Variants in NUP93 observed in about 807,000 individuals in gnomAD.
NUP93 encodes nuclear pore complex protein Nup93.
Under a neutral mutation model 107.8 loss-of-function variants are expected in NUP93, and 55 were observed. That is an observed-to-expected ratio of 0.51 (90% CI 0.41 to 0.64). The LOEUF is 0.64. Ranked by LOEUF, NUP93 falls within the 30% of genes least tolerant of loss-of-function variation. The pLI, the probability that NUP93 is intolerant of heterozygous loss-of-function variation, is 0.00. For missense variants in NUP93, 937 were observed against 1,044.7 expected (o/e 0.90, Z 1.42); for synonymous variants, 390 against 397.5 (o/e 0.98, Z 0.22).
intron 3 of NUP93, among the ~76,000 whole-genome samples, chr16:56,777,187 G>A (rs1962430818): frequency 6.6e-6 from 1 of 152,136 alleles, no homozygotes; most frequent in South Asian, 2.1e-4. Context: ...TCCCATTTTA[G>A]CCTCTTCCCA....
chr16:56,833,222 C>G lies in NUP93; in HGVS notation c.1353C>G (p.Ser451=), dbSNP rs774283790. Residue 451 remains serine (S), a synonymous_variant, in exon 13 of 22, where the codon TCC becomes TCG. Coordinates refer to ENST00000308159, the MANE Select transcript of NUP93 (RefSeq NM_014669.5). ...QKQLLEDYGE[S]HFTVNQQPFL... ...TCCTCTCCTCTCTCCCAGGCGAGTC[C>G]CACTTTACGGTGAACCAGCAACCCT... 2 of 1,597,174 alleles carry G rather than the reference C, an allele frequency of 1.3e-6. No homozygotes were observed. Among genetic ancestry groups the G allele is most frequent in the Non-Finnish European group, 1.7e-6 (2 of 1,174,046 alleles).
intron 5 of NUP93, among the ~76,000 whole-genome samples, chr16:56,815,899 G>GCTGGTGCTGCTGCTGCTGCTGGTGC (rs1555495759): frequency 1.6e-3 from 157 of 96,006 alleles, no homozygotes; most frequent in South Asian, 2.4e-3. Context: ...GCTGCTGCTG[G>GCTGGTGCTGCTGCTGCTGCTGGTGC]TGCTGCTGCT....
At chr16:56,842,763 G>C (rs1401311044) in intron 21 of NUP93, 2 of 352,152 alleles carry the variant, frequency 5.7e-6, no homozygotes, top group African/African-American at 2.2e-5. Flanking sequence ...ATGTTGCCCA[G>C]ACTGGTCTCG....
chr16:56,828,236 A>G (rs1963709589), intron 8 of NUP93, among the ~76,000 whole-genome samples: 1 of 152,096 alleles, frequency 6.6e-6, no homozygotes, highest in Admixed American at 6.5e-5. Context: ...TGAAAGACAA[A>G]AATAGTGGTA....
chr16:56,833,165 G>T (rs377491347), intron 12 of NUP93, 50 bp from the exon 13 acceptor site: 6 of 1,526,116 alleles, frequency 3.9e-6, no homozygotes, highest in Non-Finnish European at 5.3e-6. Flanking sequence ...CCACCAGTGA[G>T]CCCCTTCTTT....
intron 2 of NUP93, among the ~76,000 whole-genome samples, chr16:56,757,241 C>T (rs936949508): frequency 3.3e-5 from 5 of 152,214 alleles, no homozygotes; most frequent in African/African-American, 9.7e-5. Context: ...GCCAAATTCT[C>T]TGACTACTAA....
chr16:56,765,594 T>G (rs1962202779), intron 3 of NUP93, among the ~76,000 whole-genome samples: 1 of 152,196 alleles, frequency 6.6e-6, no homozygotes, highest in African/African-American at 2.4e-5. Flanking sequence ...GAAAAGACAT[T>G]ACATCTTACT....
At position 56,746,418 on chromosome 16, in the gene NUP93, G is replaced by A. The variant is rs76332442; in HGVS notation, c.-14-1816G>A. The stretch of plus-strand genomic sequence containing the variant: ...CTCACAATAAAGATTGCGAATTACA[G>A]CCTGATTATATGGGTCAAAAAAATT... On this transcript the variant is annotated intron_variant, in intron 1 of 21. Coordinates refer to ENST00000308159, the MANE Select transcript of NUP93 (RefSeq NM_014669.5). 7.7e-3 allele frequency among the ~76,000 whole-genome samples: 1,165 copies of A among 152,258 alleles called. 16 individuals carry two copies. The highest frequency in any genetic ancestry group is 0.027 in the African/African-American group (1,102 of 41,534).
chr16:56,730,512 T>C (rs1961515838), intron 1 of NUP93, among the ~76,000 whole-genome samples: 1 of 151,888 alleles, frequency 6.6e-6, no homozygotes, highest in Non-Finnish European at 1.5e-5. Flanking sequence ...GCCCCTGCCC[T>C]CACCTCCACC....
At position 56,789,970 on chromosome 16, in the gene NUP93, G is replaced by A. The variant is rs376344954; in HGVS notation, c.298-8506G>A. On this transcript the variant is annotated intron_variant, in intron 3 of 21. Transcript: ENST00000308159. The stretch of plus-strand genomic sequence containing the variant: ...AAATTAGCTGGGCATGGTGGCGTGC[G>A]CCTGTAATCCCAGCTACTCAGGAGG... 4.1e-4 allele frequency among the ~76,000 whole-genome samples: 62 copies of A among 152,226 alleles called. 1 individual carries two copies. The South Asian group carries it at 0.012, about 30-fold the overall frequency.
rs560062299 is a variant in NUP93 at position 56,752,276 on chromosome 16, A to T, written c.179+3850A>T. Among the ~76,000 whole-genome samples, 310 of 152,244 alleles carry T rather than the reference A, an allele frequency of 2.0e-3. 2 individuals are homozygous for T. Among genetic ancestry groups the T allele is most frequent in the African/African-American group, 7.0e-3 (290 of 41,526 alleles). On this transcript the variant is annotated intron_variant, in intron 2 of 21. Coordinates refer to ENST00000308159, the MANE Select transcript of NUP93 (RefSeq NM_014669.5). Reference sequence around the variant, plus strand: ...ACTGGTAAAAAACACACACAAGAAAACCCTGTGCACAGGGATATTCATTAC... The same window carrying T: ...ACTGGTAAAAAACACACACAAGAAATCCCTGTGCACAGGGATATTCATTAC...
At chr16:56,839,435 A>G in intron 19 of NUP93, 86 bp from the exon 20 acceptor site, 1 of 1,018,412 alleles carries the variant, frequency 9.8e-7, no homozygotes, top group Non-Finnish European at 1.4e-6. Flanking sequence ...AGCCCTTTGG[A>G]GTATGTGAGG....
chr16:56,836,693 A>G lies in NUP93; in HGVS notation c.1875A>G (p.Ala625=), dbSNP rs1963919109. Residue 625 remains alanine, a synonymous_variant, in exon 17 of 22, where the codon GCA becomes GCG. Coordinates refer to ENST00000308159, the MANE Select transcript of NUP93 (RefSeq NM_014669.5). ...AAAATAAAGGACTGTTTGAAGAGGC[A>G]GCAAAGCTGTATGACCTTGCCAAGG... ...VAENKGLFEE[A]AKLYDLAKNA... is the part of the protein sequence containing the mutation. 6.2e-7 allele frequency: 1 copy of G among 1,613,700 alleles called. No homozygotes were observed. Among genetic ancestry groups the G allele is most frequent in the Non-Finnish European group, 8.5e-7 (1 of 1,179,600 alleles).
intron 2 of NUP93, among the ~76,000 whole-genome samples, chr16:56,757,088 T>G (rs1962038344): frequency 6.6e-6 from 1 of 152,184 alleles, no homozygotes; most frequent in Admixed American, 6.5e-5. Context: ...GGAAGGAACC[T>G]CTGGGTAAAT....
At chr16:56,825,515 TTTAA>T (rs1385902469) in intron 8 of NUP93, among the ~76,000 whole-genome samples, 1 of 152,086 alleles carries the variant, frequency 6.6e-6, no homozygotes, top group Non-Finnish European at 1.5e-5. Context: ...TAGGATTTTT[TTTAA>T]TTTTTATTTT....
At chr16:56,819,891 C>A (rs1348632197) in intron 6 of NUP93, among the ~76,000 whole-genome samples, 1 of 152,216 alleles carries the variant, frequency 6.6e-6, no homozygotes, top group Non-Finnish European at 1.5e-5. Context: ...CACCTTCCCA[C>A]ACATGAGATC....
At chr16:56,816,339 C>T (rs1303750180) in intron 5 of NUP93, among the ~76,000 whole-genome samples, 1 of 152,066 alleles carries the variant, frequency 6.6e-6, no homozygotes, top group East Asian at 1.9e-4. Flanking sequence ...CAGGTGGAAA[C>T]CTTGAGCTTT....
At position 56,847,491 on chromosome 16, in the gene NUP93, G is replaced by A. The variant is rs1469944036; in HGVS notation, c.*2882G>A. On this transcript the variant is annotated 3_prime_UTR_variant, in exon 22 of 22. Transcript: ENST00000308159. Reference sequence around the variant, plus strand: ...TTCGATCTTTCTAATGAAATTGGGGGCACTTTGAGACTGTCAGGGTTTGTT... The same window carrying A: ...TTCGATCTTTCTAATGAAATTGGGGACACTTTGAGACTGTCAGGGTTTGTT... 6.6e-6 allele frequency: 1 copy of A among 152,164 alleles called. No homozygotes were observed. The highest frequency in any genetic ancestry group is 1.5e-5 in the Non-Finnish European group (1 of 68,038). The allele number at this position is 152,164 out of a possible 1,614,324, so 9.4% of individuals were successfully genotyped here.
At chr16:56,753,434 T>C (rs74959257) in intron 2 of NUP93, among the ~76,000 whole-genome samples, 6,550 of 152,336 alleles carry the variant, frequency 0.043, 205 homozygotes, top group African/African-American at 0.079. Flanking sequence ...ATGGGGATTC[T>C]GTCAGTAAAA....
Sources: allele counts gnomAD v4.1 joint callset (sites outside exome capture counted in the v4.1 genomes callset), GRCh38; gene constraint gnomAD v4.1.1; transcripts MANE v1.5; gene names NCBI Gene and HGNC (gene_info 2026-07-23, HGNC 2026-07-21).